KIF27: variants seen among roughly 807,000 people sequenced by gnomAD.
KIF27 encodes kinesin family member 27.
Under a neutral mutation model 141.8 loss-of-function variants are expected in KIF27, and 84 were observed. That is an observed-to-expected ratio of 0.59 (90% CI 0.50 to 0.71). The LOEUF (loss-of-function observed/expected upper bound fraction) is 0.71, where lower values mean the gene tolerates loss of function less well. Among genes scored for constraint, KIF27 ranks in the 30% least tolerant of loss-of-function variants. The pLI, the probability that KIF27 is intolerant of heterozygous loss-of-function variation, is 0.00. For synonymous variants in KIF27, 471 were observed against 569.5 expected (o/e 0.83, Z 2.46); for missense variants, 1,306 against 1,628.4 (o/e 0.80, Z 3.41).
At chr9:83,876,950 C>T (rs1171216517) in intron 11 of KIF27, among the ~76,000 whole-genome samples, 2 of 151,946 alleles carry the variant, frequency 1.3e-5, no homozygotes, top group African/African-American at 4.8e-5. Context: ...TGGTGGTGTG[C>T]GTCTGTAGTC....
Position 83,870,623 on chromosome 9 carries a change from A to G in KIF27, c.2653T>C (p.Leu885=), listed in dbSNP as rs542665117. ...RDQQKIKEIQ[L]KTGQEEGLKP... ...AGACCTTCTTCCTGTCCTGTTTTTA[A>G]TTGTATTTCCTATAGAAAAAGAAAT... The change falls in exon 12 of 18, where the codon TTA becomes CTA. Residue 885 remains leucine, a synonymous_variant. Coordinates refer to ENST00000297814, the MANE Select transcript of KIF27 (RefSeq NM_017576.4). 1.2e-6 allele frequency: 2 copies of G among 1,612,976 alleles called. No individual in the cohort carries two copies. The highest frequency in any genetic ancestry group is 3.3e-5 in the Admixed American group (2 of 59,900).
At chr9:83,865,405 G>A (rs574123082) in intron 13 of KIF27, among the ~76,000 whole-genome samples, 9 of 151,842 alleles carry the variant, frequency 5.9e-5, no homozygotes, top group African/African-American at 1.7e-4. Flanking sequence ...TCAAGTGATT[G>A]TCCTGCCTCA....
At chr9:83,887,567 T>C (rs1277559119) in intron 8 of KIF27, among the ~76,000 whole-genome samples, 10 of 152,180 alleles carry the variant, frequency 6.6e-5, no homozygotes, top group Admixed American at 4.6e-4. Flanking sequence ...AATTGGAGAA[T>C]GCAGACTATA....
At chr9:83,886,944 G>A in intron 9 of KIF27, 97 bp downstream of exon 9, 4 of 1,339,018 alleles carry the variant, frequency 3.0e-6, no homozygotes, top group Non-Finnish European at 3.9e-6. Context: ...TAAGTGGATA[G>A]ACCTGAGCTT....
intron 13 of KIF27, among the ~76,000 whole-genome samples, chr9:83,866,856 A>C (rs911181965): frequency 1.3e-5 from 2 of 152,106 alleles, no homozygotes; most frequent in African/African-American, 4.8e-5. Context: ...AGTCTCAAAA[A>C]ATTAAAAAAA....
In KIF27 at chr9:83,903,516, A is replaced by G; in HGVS notation, c.1002T>C (p.Tyr334=). 1 of 1,614,168 alleles carries G rather than the reference A, an allele frequency of 6.2e-7. No individual in the cohort carries two copies. Among genetic ancestry groups the G allele is most frequent in the Non-Finnish European group, 8.5e-7 (1 of 1,180,024 alleles). The stretch of plus-strand genomic sequence containing the variant: ...TTCTAATGTTCCGTGCTCTGTTGGC[A>G]TATTTGAGAGAATTTAAGGACTCAT... ...NFDESLNSLK[Y]ANRARNIRNK... Residue 334 remains tyrosine (Y), a synonymous_variant, in exon 4 of 18, where the codon TAT becomes TAC. Coordinates refer to ENST00000297814, the MANE Select transcript of KIF27 (RefSeq NM_017576.4).
chr9:83,844,452 T>C (rs1416645845), intron 16 of KIF27, among the ~76,000 whole-genome samples: 4 of 151,842 alleles, frequency 2.6e-5, no homozygotes, highest in Admixed American at 6.6e-5. Context: ...AGGAACAGAA[T>C]ATTAAGGATG....
chr9:83,870,782 C>A (rs1361680696), intron 11 of KIF27, 150 bp from the exon 12 acceptor site: 1 of 1,316,800 alleles, frequency 7.6e-7, no homozygotes, highest in Admixed American at 2.9e-5. Flanking sequence ...ACAATCACAG[C>A]CTCAAACTCC....
At chr9:83,882,617 C>A (rs955745317) in intron 10 of KIF27, among the ~76,000 whole-genome samples, 1 of 152,158 alleles carries the variant, frequency 6.6e-6, no homozygotes, top group African/African-American at 2.4e-5. Flanking sequence ...GTCAAAGGTA[C>A]AAAATTTCTA....
chr9:83,901,596 C>T (rs1254647722), intron 4 of KIF27, among the ~76,000 whole-genome samples: 1 of 152,004 alleles, frequency 6.6e-6, no homozygotes, highest in African/African-American at 2.4e-5. Context: ...GTGTGTTGGC[C>T]GGGTGCGGTG....
At chr9:83,916,174 A>G (rs1443660244) in intron 1 of KIF27, among the ~76,000 whole-genome samples, 1 of 151,930 alleles carries the variant, frequency 6.6e-6, no homozygotes, top group African/African-American at 2.4e-5. Flanking sequence ...CTGGGGTTAC[A>G]GGCGCCCGCC....
intron 5 of KIF27, chr9:83,898,592 T>G (rs546082497): frequency 9.2e-5 from 14 of 152,342 alleles, no homozygotes; most frequent in African/African-American, 2.9e-4. Context: ...AGCTGTTCTC[T>G]CTGTGATAAA....
At chr9:83,857,538 G>A (rs372412524) in intron 14 of KIF27, among the ~76,000 whole-genome samples, 14 of 152,282 alleles carry the variant, frequency 9.2e-5, no homozygotes, top group Admixed American at 2.6e-4. Context: ...GGTATCATGC[G>A]CCATACTATA....
rs1945888083 is a variant in KIF27 at position 83,836,713 on chromosome 9, A to T, written c.*288T>A. 3.5e-6 allele frequency: 1 copy of T among 289,850 alleles called. No homozygotes were observed. The highest frequency in any genetic ancestry group is 2.2e-5 in the African/African-American group (1 of 45,124). The allele number at this position is 289,850 out of a possible 1,614,324, so 18.0% of individuals were successfully genotyped here. ...TTGATAGATATTTTAGTCTATTACT[A>T]GTTTTAATCTTCAAATATGCCTGGA... On this transcript the variant is annotated 3_prime_UTR_variant, in exon 18 of 18. Coordinates refer to ENST00000297814, the MANE Select transcript of KIF27 (RefSeq NM_017576.4).
At chr9:83,863,514 T>C (rs1418884041) in intron 13 of KIF27, 13 of 152,224 alleles carry the variant, frequency 8.5e-5, no homozygotes, top group African/African-American at 2.6e-4. Context: ...CCTTGCATCC[T>C]AGGGATGAAG....
In KIF27 at chr9:83,902,689, A is replaced by G. The variant is rs10217496; in HGVS notation, c.1458+371T>C. The stretch of plus-strand genomic sequence containing the variant: ...TTATTTCCGAAACAAGTTTATTTTC[A>G]GTCTCTAAATTGACAACCAGGTCCA... On this transcript the variant is annotated intron_variant, in intron 4 of 17. Transcript: ENST00000297814. Among the ~76,000 whole-genome samples, 232 of 152,302 alleles carry G rather than the reference A, an allele frequency of 1.5e-3. 1 individual carries two copies. Among genetic ancestry groups the G allele is most frequent in the African/African-American group, 5.4e-3 (224 of 41,568 alleles).
At chr9:83,843,015 G>A (rs1946774537) in intron 16 of KIF27, among the ~76,000 whole-genome samples, 1 of 151,994 alleles carries the variant, frequency 6.6e-6, no homozygotes, top group Non-Finnish European at 1.5e-5. Context: ...GAAATAAGGT[G>A]TTTTCTATAA....
Position 83,915,362 on chromosome 9 carries a change from T to G in KIF27, c.230A>C (p.Asn77Thr). 1 of 1,613,896 alleles carries G rather than the reference T, an allele frequency of 6.2e-7. No individual in the cohort carries two copies. The highest frequency in any genetic ancestry group is 8.5e-7 in the Non-Finnish European group (1 of 1,179,818). The change falls in exon 2 of 18, where the codon AAT becomes ACT. Residue 77 changes from asparagine (N) to threonine (T), a missense_variant. Asn to Thr is a moderately conservative substitution (Grantham distance 65, BLOSUM62 0). Around this residue, in one of 4 missense-constraint regions of KIF27, gnomAD observed 533 missense variants for 565.6 expected, o/e 0.94. Transcript: ENST00000297814. ...TTGTCCATAGGCAAAAACAGTTGCATTATAGCCCTCAATGAGTGACAACAC... is the reference window on the plus strand; with the variant it reads ...TTGTCCATAGGCAAAAACAGTTGCAGTATAGCCCTCAATGAGTGACAACAC... ...PLVLSLIEGY[N>T]ATVFAYGQTG...
chr9:83,868,896 T>C lies in KIF27; in HGVS notation c.2758-1036A>G, dbSNP rs546306278. Among the ~76,000 whole-genome samples the C allele has an allele frequency of 2.0e-5, 3 of 152,272 alleles. No individual in the cohort carries two copies. The South Asian group carries it at 6.2e-4, about 32-fold the overall frequency. On this transcript the variant is annotated intron_variant, in intron 12 of 17. Coordinates refer to ENST00000297814, the MANE Select transcript of KIF27 (RefSeq NM_017576.4). ...GTCCAGATAACACTGGAGCCTAAAATATTATAGTAGCTCTACAATTATTAG... is the reference window on the plus strand; with the variant it reads ...GTCCAGATAACACTGGAGCCTAAAACATTATAGTAGCTCTACAATTATTAG...
Sources: gnomAD v4.1 joint callset for allele counts (sites outside exome capture counted in the v4.1 genomes callset) on GRCh38, gnomAD v4.1.1 for gene constraint, gnomAD v4.1.1 regional missense constraint, MANE v1.5 for transcripts, NCBI Gene and HGNC (gene_info 2026-07-23, HGNC 2026-07-21) for gene names.